DRC11L: variants seen among roughly 807,000 people sequenced by gnomAD.
DRC11L encodes the protein dynein regulatory complex subunit 11 like.
chr7:151,199,331 C>G, the DRC11L span, among the ~76,000 whole-genome samples: 1 of 151,998 alleles, frequency 6.6e-6, no homozygotes, highest in Non-Finnish European at 1.5e-5. This position sits in a 1 kb window ranked among gnomAD's most constrained non-coding sequence, Gnocchi z 5.2. Flanking sequence ...GCCCCGCGGC[C>G]GAGTTGGCAG....
At chr7:151,199,118 C>T in the DRC11L span, 4 of 397,968 alleles carry the variant, frequency 1.0e-5, no homozygotes, top group Admixed American at 1.8e-4. The surrounding 1 kb of genome is among the most constrained non-coding windows in gnomAD (Gnocchi z 5.2). Context: ...TCCCCAACAC[C>T]ACGCTCACAC....
the DRC11L span, chr7:151,192,504 G>A: frequency 2.5e-6 from 1 of 398,802 alleles, no homozygotes; most frequent in Non-Finnish European, 4.4e-6. Context: ...CAGTGGCCCA[G>A]CGTATGGGGC....
the DRC11L span, among the ~76,000 whole-genome samples, chr7:151,201,350 C>G: frequency 1.3e-5 from 2 of 152,208 alleles, no homozygotes; most frequent in African/African-American, 4.8e-5. The surrounding 1 kb of genome is among the most constrained non-coding windows in gnomAD (Gnocchi z 4.1). Context: ...TATTTCTGTA[C>G]TCTTGATGTC....
the DRC11L span, among the ~76,000 whole-genome samples, chr7:151,196,163 C>G: frequency 6.6e-6 from 1 of 152,172 alleles, no homozygotes; most frequent in South Asian, 2.1e-4. Context: ...TGGCTCCGAG[C>G]CCCTCCCATA....
the DRC11L span, among the ~76,000 whole-genome samples, chr7:151,205,060 G>A: frequency 6.6e-6 from 1 of 152,202 alleles, no homozygotes; most frequent in Non-Finnish European, 1.5e-5. Flanking sequence ...AGGATTAGCA[G>A]AGAGAATGGG....
At chr7:151,196,183 C>T in the DRC11L span, among the ~76,000 whole-genome samples, 122 of 152,310 alleles carry the variant, frequency 8.0e-4, no homozygotes, top group Non-Finnish European at 1.1e-3. Context: ...ACCCTCCACA[C>T]CCCTGCTGCA....
the DRC11L span, chr7:151,192,216 T>G: frequency 2.5e-6 from 1 of 398,424 alleles, no homozygotes. Context: ...CAATGGGGTA[T>G]GGGGCGGGAG....
the DRC11L span, among the ~76,000 whole-genome samples, chr7:151,192,104 C>A: frequency 3.9e-5 from 6 of 152,210 alleles, no homozygotes; most frequent in Admixed American, 2.0e-4. Context: ...CATAGACCAC[C>A]TGCTCGCGTC....
the DRC11L span, chr7:151,200,340 C>G: frequency 7.5e-6 from 3 of 399,326 alleles, no homozygotes; most frequent in Admixed American, 1.3e-4. Context: ...CCCTGGCCAG[C>G]CCTGTGTTCC....
At chr7:151,193,912 A>C in the DRC11L span, among the ~76,000 whole-genome samples, 7 of 151,972 alleles carry the variant, frequency 4.6e-5, no homozygotes, top group Admixed American at 6.5e-5. Flanking sequence ...ATCTCAAAAA[A>C]AAAAAAAAAA....
chr7:151,191,491 C>A, the DRC11L span: 1 of 397,160 alleles, frequency 2.5e-6, no homozygotes. Context: ...TGATTTCCTG[C>A]TCCCTTCCCA....
At chr7:151,191,685 G>C in the DRC11L span, 2 of 399,166 alleles carry the variant, frequency 5.0e-6, no homozygotes, top group African/African-American at 4.1e-5. Flanking sequence ...AGCTTCACCA[G>C]TTGTCCCAGG....
At chr7:151,194,018 T>C in the DRC11L span, among the ~76,000 whole-genome samples, 1 of 151,634 alleles carries the variant, frequency 6.6e-6, no homozygotes, top group Non-Finnish European at 1.5e-5. Context: ...GGGTTGTCCC[T>C]TGGGATTGAG....
the DRC11L span, chr7:151,196,472 C>T: frequency 2.3e-4 from 90 of 399,478 alleles, no homozygotes; most frequent in African/African-American, 1.7e-3. Context: ...CCAGCTCCAC[C>T]TCTTTCCTCT....
chr7:151,195,498 G>A, the DRC11L span: 5 of 399,430 alleles, frequency 1.3e-5, no homozygotes, highest in East Asian at 3.6e-5. Context: ...GGTTGGAAAC[G>A]AGTGCGTAGG....
At chr7:151,196,243 T>A in the DRC11L span, among the ~76,000 whole-genome samples, 14 of 152,254 alleles carry the variant, frequency 9.2e-5, no homozygotes, top group South Asian at 2.9e-3. Flanking sequence ...AGGTGGGAAC[T>A]GACGTGGGCA....
At chr7:151,201,490 C>T in the DRC11L span, among the ~76,000 whole-genome samples, 1 of 152,230 alleles carries the variant, frequency 6.6e-6, no homozygotes, top group African/African-American at 2.4e-5. The surrounding 1 kb of genome is among the most constrained non-coding windows in gnomAD (Gnocchi z 4.1). Context: ...CTAAGCCAGA[C>T]ATTGACACAG....
the DRC11L span, chr7:151,198,936 T>C: frequency 7.5e-6 from 3 of 399,170 alleles, no homozygotes; most frequent in Non-Finnish European, 1.3e-5. Context: ...GCGGAGCCTC[T>C]GGACATCCTC....
At chr7:151,200,496 C>A in the DRC11L span, 1 of 399,338 alleles carries the variant, frequency 2.5e-6, no homozygotes, top group South Asian at 1.3e-4. Flanking sequence ...ACACAGGACA[C>A]ACAGTCTCCA....
Sources: allele counts gnomAD v4.1 joint callset (sites outside exome capture counted in the v4.1 genomes callset), GRCh38; gene constraint gnomAD v4.1.1; non-coding constraint Gnocchi (gnomAD v3.1); transcripts MANE v1.5; gene names NCBI Gene and HGNC (gene_info 2026-07-23, HGNC 2026-07-21).